PRKDC: variants seen among roughly 807,000 people sequenced by gnomAD.
The protein encoded by PRKDC is DNA-dependent protein kinase catalytic subunit.
Under a neutral mutation model 486.9 loss-of-function variants are expected in PRKDC, and 82 were observed. That is an observed-to-expected ratio of 0.17 (90% CI 0.14 to 0.20). The LOEUF (loss-of-function observed/expected upper bound fraction) is 0.20. Among genes scored for constraint, PRKDC ranks in the 10% least tolerant of loss-of-function variants. The probability of loss-of-function intolerance (pLI) is 1.00; values close to 1 mark genes in which losing one functional copy is unlikely to be tolerated. For synonymous variants in PRKDC, 1,895 were observed against 1,837.0 expected (o/e 1.03, Z -0.81); for missense variants, 4,504 against 5,038.2 (o/e 0.89, Z 3.21).
intron 40 of PRKDC, among the ~76,000 whole-genome samples, chr8:47,875,193 C>T (rs906397088): frequency 1.3e-5 from 2 of 152,226 alleles, no homozygotes; most frequent in Admixed American, 1.3e-4. Context: ...TTACGACTTT[C>T]TATGAATTTG....
At chr8:47,876,582 AC>A (rs796978312) in intron 40 of PRKDC, among the ~76,000 whole-genome samples, 5 of 151,710 alleles carry the variant, frequency 3.3e-5, no homozygotes, top group African/African-American at 1.2e-4. Flanking sequence ...AATCATTTGA[AC>A]CCAGAAGACA....
chr8:47,930,675 C>A lies in PRKDC; in HGVS notation c.1889G>T (p.Cys630Phe), dbSNP rs371411239. ...FSAFINLVEF[C>F]REILPEKQAE... ...TAATTAGAATTTTACCAAATACCTG[C>A]AAAATTCCACCAGGTTAATGAAAGC... Residue 630 changes from cysteine (C) to phenylalanine (F), a missense_variant, in exon 17 of 86, where the codon TGC becomes TTC. By Grantham distance (205) the Cys-to-Phe change is radical (BLOSUM62 -2). Transcript: ENST00000314191. 1.4e-5 allele frequency: 22 copies of A among 1,561,724 alleles called. No homozygotes were observed. The African/African-American group carries it at 2.2e-4, about 15-fold the overall frequency.
At chr8:47,949,790 T>G (rs1200791435) in intron 7 of PRKDC, among the ~76,000 whole-genome samples, 1 of 151,722 alleles carries the variant, frequency 6.6e-6, no homozygotes, top group Non-Finnish European at 1.5e-5. Context: ...CGAAGGAAAA[T>G]TACACAGGGC....
Position 47,918,366 on chromosome 8 carries a change from A to G in PRKDC, c.2437T>C (p.Trp813Arg). The G allele has an allele frequency of 3.2e-6, 5 of 1,583,730 alleles. No individual in the cohort carries two copies. Among genetic ancestry groups the G allele is most frequent in the Non-Finnish European group, 3.4e-6 (4 of 1,163,722 alleles). Residue 813 changes from tryptophan (W) to arginine (R), a missense_variant, in exon 22 of 86, where the codon TGG (tryptophan) becomes CGG (arginine). Around this residue, in one of 6 missense-constraint regions of PRKDC, gnomAD observed 1,969 missense variants for 2,068.9 expected, o/e 0.95. Transcript: ENST00000314191. ...GCCCGAGAAAGAGCTGACACTTCCCAGTTATTCTTGGTCTCATCTATCAAT... is the reference window on the plus strand; with the variant it reads ...GCCCGAGAAAGAGCTGACACTTCCCGGTTATTCTTGGTCTCATCTATCAAT... Reference protein sequence around the residue: ...SALSDETKNNWEVSALSRAAQ... With the variant: ...SALSDETKNNREVSALSRAAQ...
chr8:47,859,567 C>A, intron 46 of PRKDC, 44 bp downstream of exon 46: 2 of 1,588,846 alleles, frequency 1.3e-6, no homozygotes, highest in Non-Finnish European at 8.6e-7. Context: ...CCCCTTTCTT[C>A]ACAAACATCG....
chr8:47,862,320 C>T (rs1032707429), intron 43 of PRKDC, 53 bp downstream of exon 43: 131 of 1,537,442 alleles, frequency 8.5e-5, no homozygotes, highest in Non-Finnish European at 1.1e-4. Context: ...CTGATATAAT[C>T]TAACTTTTGA....
At chr8:47,783,976 C>A in intron 77 of PRKDC, 167 bp from the exon 78 acceptor site, 1 of 676,450 alleles carries the variant, frequency 1.5e-6, no homozygotes, top group South Asian at 1.8e-5. Context: ...TGTTATTTCT[C>A]GGCCGGGCAC....
chr8:47,955,186 G>A (rs2090681220), intron 4 of PRKDC, among the ~76,000 whole-genome samples: 1 of 146,290 alleles, frequency 6.8e-6, no homozygotes, highest in South Asian at 2.2e-4. Flanking sequence ...ATATGGGCCG[G>A]GCGCGGTGGC....
chr8:47,797,834 C>T (rs1016688762), intron 73 of PRKDC, among the ~76,000 whole-genome samples: 4 of 152,344 alleles, frequency 2.6e-5, no homozygotes, highest in African/African-American at 4.8e-5. Context: ...AGATGCTGTG[C>T]TCCTGGGAGG....
chr8:47,920,501 T>C (rs1375205744), intron 21 of PRKDC, among the ~76,000 whole-genome samples: 5 of 152,234 alleles, frequency 3.3e-5, no homozygotes, highest in Admixed American at 2.6e-4. Flanking sequence ...TTTATACAGA[T>C]ATGTAAATTG....
intron 36 of PRKDC, among the ~76,000 whole-genome samples, chr8:47,882,474 T>C (rs1204199051): frequency 6.6e-6 from 1 of 150,796 alleles, no homozygotes; most frequent in East Asian, 2.0e-4. Context: ...GCACACTTCC[T>C]ATCCCACCAC....
intron 67 of PRKDC, 52 bp downstream of exon 67, chr8:47,819,349 TA>T: frequency 8.3e-7 from 1 of 1,207,310 alleles, no homozygotes; most frequent in Non-Finnish European, 1.2e-6. Flanking sequence ...ATTTAGATGC[TA>T]AAACTCTTCC....
chr8:47,876,697 T>A (rs533853975), intron 40 of PRKDC, among the ~76,000 whole-genome samples: 1 of 152,148 alleles, frequency 6.6e-6, no homozygotes, highest in East Asian at 1.9e-4. Context: ...ATATGTCCTA[T>A]CCTTCCCACT....
chr8:47,889,575 C>T (rs574611311), intron 32 of PRKDC, among the ~76,000 whole-genome samples: 6 of 152,372 alleles, frequency 3.9e-5, no homozygotes, highest in African/African-American at 1.4e-4. Flanking sequence ...TGGCGTGCCA[C>T]AGGCACCTGG....
chr8:47,862,016 T>A, intron 44 of PRKDC, 46 bp downstream of exon 44: 1 of 1,428,776 alleles, frequency 7.0e-7, no homozygotes, highest in Non-Finnish European at 9.6e-7. Context: ...TGGTTTTCTT[T>A]GTGAGCACTT....
At chr8:47,788,878 C>A in intron 76 of PRKDC, 28 bp downstream of exon 76, 1 of 1,515,036 alleles carries the variant, frequency 6.6e-7, no homozygotes, top group Non-Finnish European at 8.8e-7. Context: ...ACTCTGCTAT[C>A]AAAATAGCAG....
intron 38 of PRKDC, 53 bp from the exon 39 acceptor site, chr8:47,879,711 T>A: frequency 7.3e-7 from 1 of 1,378,926 alleles, no homozygotes; most frequent in Non-Finnish European, 9.6e-7. Flanking sequence ...TTATATATCC[T>A]ACAGAATAAA....
chr8:47,945,303 G>A (rs955944919), intron 7 of PRKDC, among the ~76,000 whole-genome samples: 3 of 152,046 alleles, frequency 2.0e-5, no homozygotes, highest in Non-Finnish European at 4.4e-5. Flanking sequence ...GATACAATTC[G>A]TTGGCACTAA....
chr8:47,898,344 C>T (rs2089618084), intron 29 of PRKDC, 126 bp downstream of exon 29: 2 of 757,540 alleles, frequency 2.6e-6, no homozygotes, highest in Non-Finnish European at 4.2e-6. Context: ...CTTCAGACTT[C>T]CACACATTCC....
Sources: allele counts gnomAD v4.1 joint callset (sites outside exome capture counted in the v4.1 genomes callset), GRCh38; gene constraint gnomAD v4.1.1; regional missense constraint gnomAD v4.1.1; transcripts MANE v1.5; gene names NCBI Gene and HGNC (gene_info 2026-07-23, HGNC 2026-07-21).